Variants in PARD3B observed in about 807,000 individuals in gnomAD.
PARD3B encodes the protein partitioning defective 3 homolog B.
A neutral mutation model predicts 130.2 loss-of-function variants in PARD3B; 103 were observed. The observed-to-expected ratio is 0.79, with a 90% CI of 0.67 to 0.93. PARD3B has a LOEUF of 0.93. Among genes scored for constraint, PARD3B ranks in the 40% least tolerant of loss-of-function variants. PARD3B has a pLI of 0.00. For missense variants in PARD3B, 1,609 were observed against 1,499.2 expected (o/e 1.07, Z -1.21); for synonymous variants, 583 against 553.2 (o/e 1.05, Z -0.76).
At chr2:204,860,011 A>C (rs2045117464) in intron 2 of PARD3B, among the ~76,000 whole-genome samples, 1 of 152,218 alleles carries the variant, frequency 6.6e-6, no homozygotes, top group Non-Finnish European at 1.5e-5. Flanking sequence ...CTGAATTATT[A>C]ATTTCTGCCA....
At chr2:205,581,608 C>T (rs1039616458) in intron 22 of PARD3B, among the ~76,000 whole-genome samples, 6 of 149,964 alleles carry the variant, frequency 4.0e-5, no homozygotes, top group African/African-American at 1.5e-4. Context: ...ACAGTGGAAT[C>T]GGAATGTTCC....
At chr2:204,713,322 C>T (rs540421930) in intron 2 of PARD3B, among the ~76,000 whole-genome samples, 7 of 151,136 alleles carry the variant, frequency 4.6e-5, no homozygotes, top group Non-Finnish European at 7.4e-5. Context: ...TTCTTAATGC[C>T]GCAAAACCGT....
At chr2:205,005,903 A>G (rs1210795976) in intron 3 of PARD3B, among the ~76,000 whole-genome samples, 1 of 152,144 alleles carries the variant, frequency 6.6e-6, no homozygotes, top group Non-Finnish European at 1.5e-5. Flanking sequence ...TTTTAGCACA[A>G]CCATCACTTG....
At chr2:205,388,152 TTTAA>T (rs1285884717) in intron 18 of PARD3B, among the ~76,000 whole-genome samples, 4 of 152,180 alleles carry the variant, frequency 2.6e-5, no homozygotes, top group Non-Finnish European at 5.9e-5. Context: ...CTCTGGTTGA[TTTAA>T]TTATGTGCTT....
intron 2 of PARD3B, among the ~76,000 whole-genome samples, chr2:204,704,805 G>T (rs955006249): frequency 1.3e-5 from 2 of 151,946 alleles, no homozygotes; most frequent in African/African-American, 4.8e-5. Flanking sequence ...CTAATGCTTG[G>T]AGAATGATAA....
At chr2:205,373,267 G>A (rs923301560) in intron 18 of PARD3B, among the ~76,000 whole-genome samples, 1 of 152,158 alleles carries the variant, frequency 6.6e-6, no homozygotes, top group African/African-American at 2.4e-5. Context: ...AGCAAGGAAA[G>A]GACTAGTGAG....
chr2:204,567,674 G>C (rs1296638140), intron 1 of PARD3B, among the ~76,000 whole-genome samples: 1 of 152,178 alleles, frequency 6.6e-6, no homozygotes, highest in African/African-American at 2.4e-5. Context: ...CTGTGAACAT[G>C]AGTGTACAAG....
chr2:205,189,690 A>G (rs1028745997), intron 14 of PARD3B, among the ~76,000 whole-genome samples: 2 of 152,332 alleles, frequency 1.3e-5, no homozygotes, highest in South Asian at 2.1e-4. Flanking sequence ...TCTAACTTAC[A>G]TGTCTAAAAT....
intron 16 of PARD3B, among the ~76,000 whole-genome samples, chr2:205,299,701 G>A (rs1325461064): frequency 6.6e-6 from 1 of 152,008 alleles, no homozygotes; most frequent in Non-Finnish European, 1.5e-5. Flanking sequence ...AGAGGGCAAG[G>A]CAAACCGCAC....
intron 2 of PARD3B, among the ~76,000 whole-genome samples, chr2:204,833,511 T>C (rs2043909051): frequency 6.6e-6 from 1 of 152,028 alleles, no homozygotes; most frequent in Admixed American, 6.6e-5. Flanking sequence ...TTATCTTGAA[T>C]TGGAGCTCCC....
At chr2:204,896,076 T>C (rs1241324864) in intron 2 of PARD3B, among the ~76,000 whole-genome samples, 1 of 152,174 alleles carries the variant, frequency 6.6e-6, no homozygotes, top group Non-Finnish European at 1.5e-5. Flanking sequence ...TACTCAGACT[T>C]CCCTTAAACC....
intron 19 of PARD3B, among the ~76,000 whole-genome samples, chr2:205,437,581 T>C (rs1053948237): frequency 9.2e-5 from 14 of 152,156 alleles, no homozygotes; most frequent in Non-Finnish European, 1.6e-4. Context: ...TGATATGAAT[T>C]ATTTCAAATT....
intron 2 of PARD3B, among the ~76,000 whole-genome samples, chr2:204,881,327 T>C (rs563232976): frequency 4.6e-5 from 7 of 152,036 alleles, no homozygotes; most frequent in African/African-American, 1.4e-4. Context: ...TGGGGGGTGC[T>C]GAATACAGAG....
intron 2 of PARD3B, among the ~76,000 whole-genome samples, chr2:204,752,121 A>G (rs1426547423): frequency 2.0e-5 from 3 of 152,208 alleles, no homozygotes; most frequent in African/African-American, 7.2e-5. Context: ...ACTTCCTTAT[A>G]TCATCCTAAA....
At chr2:204,856,610 C>T (rs2044949664) in intron 2 of PARD3B, among the ~76,000 whole-genome samples, 2 of 152,120 alleles carry the variant, frequency 1.3e-5, no homozygotes, top group South Asian at 4.1e-4. Flanking sequence ...TCCAATAAAT[C>T]ATTTCCCAGA....
intron 2 of PARD3B, among the ~76,000 whole-genome samples, chr2:204,734,235 C>G (rs2039645655): frequency 6.6e-6 from 1 of 152,030 alleles, no homozygotes; most frequent in Non-Finnish European, 1.5e-5. Context: ...ACACTGAAAT[C>G]ACTAAAATTA....
chr2:204,693,247 A>G (rs2037438280), intron 2 of PARD3B, among the ~76,000 whole-genome samples: 1 of 152,052 alleles, frequency 6.6e-6, no homozygotes, highest in Non-Finnish European at 1.5e-5. Context: ...CACAGCTACC[A>G]AATTTATATC....
intron 18 of PARD3B, among the ~76,000 whole-genome samples, chr2:205,384,377 T>C (rs2045587896): frequency 6.6e-6 from 1 of 152,068 alleles, no homozygotes; most frequent in African/African-American, 2.4e-5. Flanking sequence ...CTGTGGGTAA[T>C]CTACATAGGA....
chr2:205,168,316 A>T (rs140144474), intron 11 of PARD3B, among the ~76,000 whole-genome samples: 18,690 of 142,034 alleles, frequency 0.13, 1,327 homozygotes, highest in Non-Finnish European at 0.16. Flanking sequence ...AGAGAGAGAG[A>T]GAGAGTGTGT....
Sources: allele counts gnomAD v4.1 joint callset (sites outside exome capture counted in the v4.1 genomes callset), GRCh38; gene constraint gnomAD v4.1.1; transcripts MANE v1.5; gene names NCBI Gene and HGNC (gene_info 2026-07-23, HGNC 2026-07-21).